SCYL2: variants seen among roughly 807,000 people sequenced by gnomAD.
SCYL2 encodes SCY1 like pseudokinase 2.
In SCYL2, 36 loss-of-function variants were observed where a neutral mutation model predicts 100.4. The observed-to-expected ratio is 0.36, with a 90% confidence interval of 0.27 to 0.47. The LOEUF (loss-of-function observed/expected upper bound fraction) is 0.47, where lower values mean the gene tolerates loss of function less well. Among genes scored for constraint, SCYL2 ranks in the 20% least tolerant of loss-of-function variants. The probability of loss-of-function intolerance (pLI) is 1.00; values close to 1 mark genes in which losing one functional copy is unlikely to be tolerated. For synonymous variants in SCYL2, 330 were observed against 359.2 expected (o/e 0.92, Z 0.92); for missense variants, 902 against 1,083.9 (o/e 0.83, Z 2.36).
chr12:100,286,551 TC>T (rs1011857231), intron 2 of SCYL2, among the ~76,000 whole-genome samples: 5 of 152,142 alleles, frequency 3.3e-5, no homozygotes, highest in African/African-American at 1.2e-4. Context: ...TTGCCCTACT[TC>T]AGGGGCTTCA....
At chr12:100,337,321 T>G (rs1382956882) in intron 16 of SCYL2, 66 bp from the exon 17 acceptor site, 4 of 1,584,246 alleles carry the variant, frequency 2.5e-6, no homozygotes, top group Non-Finnish European at 3.4e-6. Flanking sequence ...CCGAAGAGAT[T>G]ATCTTTTGTT....
chr12:100,282,464 T>C (rs2135830252), intron 1 of SCYL2, among the ~76,000 whole-genome samples: 1 of 149,256 alleles, frequency 6.7e-6, no homozygotes, highest in South Asian at 2.1e-4. Flanking sequence ...TAGCTGGGAC[T>C]ACGGGCACCT....
chr12:100,328,547 GA>G (rs1426573574), intron 12 of SCYL2, among the ~76,000 whole-genome samples: 7 of 152,126 alleles, frequency 4.6e-5, no homozygotes. Flanking sequence ...AATAATGGGG[GA>G]TGGTATTTCA....
At position 100,341,384 on chromosome 12, in the gene SCYL2, T is replaced by TTAGGTTAAAGAGCATTGAC. The variant is rs1391800089; in HGVS notation, c.*2227_*2228insTGACTAGGTTAAAGAGCAT. ...CCGTTATGTTTAGAGTAGAAAATGT[T>TTAGGTTAAAGAGCATTGAC]TAGGTTAAAGAGCATCTGTCAACAG... On this transcript the variant is annotated 3_prime_UTR_variant, in exon 18 of 18. Transcript: ENST00000360820. The TTAGGTTAAAGAGCATTGAC allele has an allele frequency of 1.3e-5, 2 of 152,300 alleles. No individual in the cohort carries two copies. The highest frequency in any genetic ancestry group is 1.9e-4 in the East Asian group (1 of 5,188). The allele number at this position is 152,300 out of a possible 1,614,324, so 9.4% of individuals were successfully genotyped here. A position where few individuals can be genotyped will look rare whatever the true frequency, so the allele number is the denominator to read the frequency against.
At chr12:100,294,179 C>G (rs953751932) in intron 3 of SCYL2, among the ~76,000 whole-genome samples, 5 of 146,496 alleles carry the variant, frequency 3.4e-5, no homozygotes, top group African/African-American at 7.6e-5. Context: ...ACCTCCCTCC[C>G]GGAAGGGGTG....
At chr12:100,319,329 G>A (rs992500931) in intron 10 of SCYL2, 12 of 451,524 alleles carry the variant, frequency 2.7e-5, no homozygotes, top group African/African-American at 2.4e-4. Flanking sequence ...AAGAAATTGT[G>A]AATTATAGCC....
rs138919446 is a variant in SCYL2, at chr12:100,338,818, C to T, written c.2436C>T (p.Pro812=). ...GVTKMTLGTP[P]TLPNFNALSV... ...CCAAGATGACTCTGGGAACACCTCC[C>T]ACTTTGCCAAACTTCAATGCTTTGA... The change falls in exon 18 of 18, where the codon CCC becomes CCT. Residue 812 remains proline (P), a synonymous_variant. Transcript: ENST00000360820. 108 of 1,614,136 alleles carry T rather than the reference C, an allele frequency of 6.7e-5. No individual in the cohort carries two copies. In the African/African-American group the frequency reaches 1.3e-3, roughly 20 times the overall value.
intron 8 of SCYL2, among the ~76,000 whole-genome samples, chr12:100,315,118 T>C (rs1302018431): frequency 6.6e-6 from 1 of 152,238 alleles, no homozygotes; most frequent in Non-Finnish European, 1.5e-5. Context: ...TCTGACTCTT[T>C]ACTTAGATGC....
In SCYL2 at chr12:100,289,128, G is replaced by A. The variant is rs574312853; in HGVS notation, c.178-2375G>A. On this transcript the variant is annotated intron_variant, in intron 2 of 17. Transcript: ENST00000360820. The stretch of plus-strand genomic sequence containing the variant: ...GTTTTAGGTCATTTGTTTTTAGTTC[G>A]AATTAGTGTTATGTAAAACTCTTAC... Among the ~76,000 whole-genome samples the A allele has an allele frequency of 1.8e-4, 27 of 152,258 alleles. No individual in the cohort carries two copies. The South Asian group carries it at 3.5e-3, about 20-fold the overall frequency.
chr12:100,292,854 G>T (rs898491281), intron 3 of SCYL2, among the ~76,000 whole-genome samples: 2 of 152,276 alleles, frequency 1.3e-5, no homozygotes, highest in Middle Eastern at 3.4e-3. Flanking sequence ...GTCTCACTCT[G>T]TTGCCCAAGC....
rs770959877 is a variant in SCYL2, at chr12:100,312,474, T to C, written c.673T>C (p.Leu225=). ...AGAATGGGACCCAAATTTACCTTCA[T>C]TGTGTCTTCCAAATCCTGAATATTT... ...CKEWDPNLPS[L]CLPNPEYLAP... Residue 225 remains leucine (L), a synonymous_variant, in exon 6 of 18, where the codon TTG becomes CTG. Transcript: ENST00000360820. 36 of 1,613,346 alleles carry C rather than the reference T, an allele frequency of 2.2e-5. No individual in the cohort carries two copies. The African/African-American group carries it at 3.9e-4, about 17-fold the overall frequency.
intron 11 of SCYL2, among the ~76,000 whole-genome samples, chr12:100,326,215 A>G (rs955873924): frequency 6.6e-6 from 1 of 152,172 alleles, no homozygotes; most frequent in Non-Finnish European, 1.5e-5. Flanking sequence ...ATTGAACCCA[A>G]GTTAGAGTAA....
At chr12:100,268,020 C>A (rs2096281399) in intron 1 of SCYL2, among the ~76,000 whole-genome samples, 1 of 152,170 alleles carries the variant, frequency 6.6e-6, no homozygotes, top group Non-Finnish European at 1.5e-5. Context: ...AGGGTTTAGA[C>A]CGATAAAGCT....
At chr12:100,281,681 A>G (rs945534868) in intron 1 of SCYL2, among the ~76,000 whole-genome samples, 2 of 152,118 alleles carry the variant, frequency 1.3e-5, no homozygotes, top group Non-Finnish European at 2.9e-5. Flanking sequence ...GAAAATAGAA[A>G]AAATTAGCCG....
chr12:100,311,432 G>A (rs1383155290), intron 5 of SCYL2, among the ~76,000 whole-genome samples: 1 of 151,926 alleles, frequency 6.6e-6, no homozygotes, highest in African/African-American at 2.4e-5. Context: ...GATTAAATAG[G>A]GTTTTTTTTT....
rs2096344590 is a variant in SCYL2 at position 100,313,416 on chromosome 12, G to C, written c.853-6G>C. On this transcript the variant is annotated splice_region_variant and splice_polypyrimidine_tract_variant and intron_variant, in intron 6 of 17. Coordinates refer to ENST00000360820, the MANE Select transcript of SCYL2 (RefSeq NM_017988.6). ...ACTCATTTAATGTTATCACTCTTTT[G>C]AATAGTTGAGTCGTTTAGGATCTAG... 7.3e-7 allele frequency: 1 copy of C among 1,371,734 alleles called. No individual in the cohort carries two copies. Among genetic ancestry groups the C allele is most frequent in the African/African-American group, 1.4e-5 (1 of 69,648 alleles). 85.0% of individuals were successfully genotyped at this position (1,371,734 alleles called of 1,614,324 possible).
chr12:100,295,329 T>C (rs1358159817), intron 3 of SCYL2, among the ~76,000 whole-genome samples: 1 of 152,064 alleles, frequency 6.6e-6, no homozygotes, highest in Admixed American at 6.5e-5. Flanking sequence ...CTCGGCACTT[T>C]GGGAGGCCAA....
At chr12:100,276,330 T>C (rs1450109661) in intron 1 of SCYL2, among the ~76,000 whole-genome samples, 8 of 152,134 alleles carry the variant, frequency 5.3e-5, no homozygotes, top group Non-Finnish European at 1.0e-4. Flanking sequence ...TTATTTTCTT[T>C]CTTTTTATTT....
chr12:100,279,663 C>CT (rs1187400855), intron 1 of SCYL2, among the ~76,000 whole-genome samples: 12 of 152,280 alleles, frequency 7.9e-5, no homozygotes, highest in African/African-American at 2.6e-4. Flanking sequence ...AGCTTTTACT[C>CT]TAAGGGTGGC....
Sources: gnomAD v4.1 joint callset for allele counts (sites outside exome capture counted in the v4.1 genomes callset) on GRCh38, gnomAD v4.1.1 for gene constraint, MANE v1.5 for transcripts, NCBI Gene and HGNC (gene_info 2026-07-23, HGNC 2026-07-21) for gene names.